RCAN2: variants seen among roughly 807,000 people sequenced by gnomAD.
RCAN2 encodes calcipressin-2.
A neutral mutation model predicts 23.6 loss-of-function variants in RCAN2; 9 were observed. The ratio of observed to expected loss-of-function variants is 0.38; its 90% confidence interval spans 0.23 to 0.67. RCAN2 has a LOEUF of 0.67. Ranked by LOEUF, RCAN2 falls within the 30% of genes least tolerant of loss-of-function variation. RCAN2 has a pLI of 0.51. For missense variants in RCAN2, 273 were observed against 302.3 expected (o/e 0.90, Z 0.72); for synonymous variants, 109 against 115.7 (o/e 0.94, Z 0.37).
intron 2 of RCAN2, among the ~76,000 whole-genome samples, chr6:46,300,642 A>T (rs1473341359): frequency 6.6e-6 from 1 of 152,068 alleles, no homozygotes; most frequent in African/African-American, 2.4e-5. Flanking sequence ...ATCATATGTT[A>T]TGACATTTAT....
intron 2 of RCAN2, among the ~76,000 whole-genome samples, chr6:46,253,548 T>A (rs374722353): frequency 6.6e-6 from 1 of 152,238 alleles, no homozygotes; most frequent in East Asian, 1.9e-4. Context: ...ATTTTTTTAC[T>A]CAGAATATTA....
intron 2 of RCAN2, among the ~76,000 whole-genome samples, chr6:46,278,539 G>C (rs190838850): frequency 6.3e-4 from 96 of 152,262 alleles, no homozygotes; most frequent in African/African-American, 2.2e-3. Context: ...TATCAAACCA[G>C]GAAGTTAACA....
At chr6:46,337,708 G>A (rs1425521663) in intron 2 of RCAN2, among the ~76,000 whole-genome samples, 3 of 152,172 alleles carry the variant, frequency 2.0e-5, no homozygotes, top group Non-Finnish European at 4.4e-5. Context: ...GGCTGGTTAA[G>A]CCAGAGGCTC....
chr6:46,237,862 A>C, intron 4 of RCAN2, among the ~76,000 whole-genome samples: 1 of 152,184 alleles, frequency 6.6e-6, no homozygotes, highest in East Asian at 1.9e-4. Flanking sequence ...CGTTAAGAAG[A>C]ACCAGGACCC....
Position 46,491,352 on chromosome 6 carries a change from C to G in RCAN2, c.-182G>C, listed in dbSNP as rs1415211468. ...GGGCCGTACGCGGCGCGGCGCGCCC[C>G]GCCTCCCTCTCTCTGCCGCCGTGGG... is the stretch of plus-strand genomic sequence containing the variant. On this transcript the variant is annotated 5_prime_UTR_variant, in exon 1 of 5. Transcript: ENST00000371374. 1 of 151,732 alleles carries G rather than the reference C, an allele frequency of 6.6e-6. No individual in the cohort carries two copies. Among genetic ancestry groups the G allele is most frequent in the African/African-American group, 2.4e-5 (1 of 41,388 alleles). 9.4% of individuals were successfully genotyped at this position (151,732 alleles called of 1,614,324 possible). A position where few individuals can be genotyped will look rare whatever the true frequency, so the allele number is the denominator to read the frequency against.
At chr6:46,349,292 A>C (rs1359538131) in intron 2 of RCAN2, among the ~76,000 whole-genome samples, 1 of 152,156 alleles carries the variant, frequency 6.6e-6, no homozygotes, top group Non-Finnish European at 1.5e-5. Flanking sequence ...AGATAACACA[A>C]GTAAAGAAAC....
At chr6:46,474,813 T>TG (rs1768668046) in intron 1 of RCAN2, among the ~76,000 whole-genome samples, 1 of 152,070 alleles carries the variant, frequency 6.6e-6, no homozygotes, top group African/African-American at 2.4e-5. Context: ...TGAACACAAT[T>TG]GGGGGTGAGT....
intron 2 of RCAN2, among the ~76,000 whole-genome samples, chr6:46,310,522 T>C (rs1763222613): frequency 6.8e-6 from 1 of 147,828 alleles, no homozygotes; most frequent in Non-Finnish European, 1.5e-5. Flanking sequence ...GAAGAAACTT[T>C]GTTTTCTAAT....
At chr6:46,258,497 C>G (rs751496374) in intron 2 of RCAN2, among the ~76,000 whole-genome samples, 17 of 152,316 alleles carry the variant, frequency 1.1e-4, no homozygotes, top group Middle Eastern at 3.4e-3. Flanking sequence ...ATAACTGCTT[C>G]AAGAAAAGAT....
chr6:46,271,890 A>T (rs1391211015), intron 2 of RCAN2, among the ~76,000 whole-genome samples: 2 of 152,172 alleles, frequency 1.3e-5, no homozygotes, highest in Non-Finnish European at 2.9e-5. Context: ...TCTCTGAAAA[A>T]CTAGCCAGTG....
At chr6:46,434,620 A>G (rs1300263687) in intron 2 of RCAN2, among the ~76,000 whole-genome samples, 1 of 152,228 alleles carries the variant, frequency 6.6e-6, no homozygotes, top group Non-Finnish European at 1.5e-5. Flanking sequence ...TCTTTTCTTC[A>G]TGCTTCTTCT....
At chr6:46,223,451 T>C (rs1212298788) in intron 4 of RCAN2, 150 bp from the exon 5 acceptor site, 2 of 690,494 alleles carry the variant, frequency 2.9e-6, no homozygotes, top group Non-Finnish European at 4.8e-6. Flanking sequence ...TGTTGGCAAG[T>C]GGAAAGAGAT....
chr6:46,260,704 G>A (rs1007632991), intron 2 of RCAN2, among the ~76,000 whole-genome samples: 2 of 152,146 alleles, frequency 1.3e-5, no homozygotes, highest in East Asian at 1.9e-4. Flanking sequence ...GCCCGGCTAT[G>A]CCAAGCAAGG....
At chr6:46,249,313 CTTTCTTTT>C (rs1175864417) in intron 2 of RCAN2, among the ~76,000 whole-genome samples, 56 of 118,772 alleles carry the variant, frequency 4.7e-4, no homozygotes, top group African/African-American at 1.6e-3. Context: ...TTCTTTCTTT[CTTTCTTTT>C]TTTTTTTTTT....
At chr6:46,389,848 A>G (rs1007225134) in intron 2 of RCAN2, among the ~76,000 whole-genome samples, 11 of 152,156 alleles carry the variant, frequency 7.2e-5, no homozygotes, top group Non-Finnish European at 2.9e-5. Context: ...TCAAGTAGGT[A>G]GTGAGATTTC....
At chr6:46,315,453 G>A (rs557776223) in intron 2 of RCAN2, among the ~76,000 whole-genome samples, 3 of 152,332 alleles carry the variant, frequency 2.0e-5, no homozygotes, top group African/African-American at 7.2e-5. Flanking sequence ...TGAGTGAGGA[G>A]CAAGCCATGT....
chr6:46,270,991 C>T (rs1053596949), intron 2 of RCAN2, among the ~76,000 whole-genome samples: 23 of 152,184 alleles, frequency 1.5e-4, no homozygotes, highest in African/African-American at 5.6e-4. Flanking sequence ...GCTAAAGACC[C>T]AATTAAGTCA....
At chr6:46,295,163 A>G (rs571711798) in intron 2 of RCAN2, among the ~76,000 whole-genome samples, 4 of 152,114 alleles carry the variant, frequency 2.6e-5, no homozygotes, top group Non-Finnish European at 5.9e-5. Flanking sequence ...TGAGGTAATG[A>G]AGACAGGAAA....
At chr6:46,292,438 G>GT (rs374258081) in intron 2 of RCAN2, among the ~76,000 whole-genome samples, 88,902 of 133,608 alleles carry the variant, frequency 0.67, 29,465 homozygotes, top group Non-Finnish European at 0.76. Flanking sequence ...TTTTTTTTTT[G>GT]TTTTTTTTTT....
Sources: allele counts gnomAD v4.1 joint callset (sites outside exome capture counted in the v4.1 genomes callset), GRCh38; gene constraint gnomAD v4.1.1; transcripts MANE v1.5; gene names NCBI Gene and HGNC (gene_info 2026-07-23, HGNC 2026-07-21).